ROBO1: variants seen among roughly 807,000 people sequenced by gnomAD.
ROBO1 encodes the protein roundabout guidance receptor 1.
Under a neutral mutation model 195.9 loss-of-function variants are expected in ROBO1, and 149 were observed. The ratio of observed to expected loss-of-function variants is 0.76; its 90% CI spans 0.67 to 0.87. ROBO1 has a LOEUF of 0.87. Among genes scored for constraint, ROBO1 ranks in the 40% least tolerant of loss-of-function variants. The pLI is 0.00. For synonymous variants in ROBO1, 816 were observed against 733.2 expected (o/e 1.11, Z -1.82); for missense variants, 1,933 against 2,068.3 (o/e 0.93, Z 1.27).
intron 1 of ROBO1, among the ~76,000 whole-genome samples, chr3:79,685,777 A>G (rs890502194): frequency 2.0e-5 from 3 of 152,278 alleles, no homozygotes; most frequent in Non-Finnish European, 2.9e-5. Context: ...TTCACAGCCA[A>G]ATTCTACCAG....
chr3:79,193,581 CTTTT>C (rs869203963), intron 2 of ROBO1, among the ~76,000 whole-genome samples: 45 of 85,606 alleles, frequency 5.3e-4, no homozygotes, highest in African/African-American at 2.0e-3. Context: ...TGTGGTTTTG[CTTTT>C]TTTTTTTTTT....
At chr3:79,063,210 C>T (rs1452348606) in intron 3 of ROBO1, among the ~76,000 whole-genome samples, 1 of 151,844 alleles carries the variant, frequency 6.6e-6, no homozygotes, top group East Asian at 2.0e-4. Flanking sequence ...GCCATATTTG[C>T]CCCTTGAGGT....
At chr3:79,226,644 G>A (rs1459188020) in intron 2 of ROBO1, among the ~76,000 whole-genome samples, 2 of 150,910 alleles carry the variant, frequency 1.3e-5, no homozygotes, top group African/African-American at 2.4e-5. Flanking sequence ...GGGCTCAAGC[G>A]ATCCTCCCAC....
chr3:79,565,718 C>CATA (rs1483712886), intron 2 of ROBO1, among the ~76,000 whole-genome samples: 3 of 152,178 alleles, frequency 2.0e-5, no homozygotes, highest in Admixed American at 2.0e-4. Context: ...GAAAGCTTCA[C>CATA]ATAATACCAG....
intron 2 of ROBO1, among the ~76,000 whole-genome samples, chr3:79,497,358 C>A (rs978541215): frequency 1.3e-5 from 2 of 152,140 alleles, no homozygotes; most frequent in Non-Finnish European, 2.9e-5. Context: ...AACTCCTTAA[C>A]ATATTTATAC....
chr3:78,820,823 C>A (rs559019012), intron 4 of ROBO1, among the ~76,000 whole-genome samples: 199 of 152,236 alleles, frequency 1.3e-3, no homozygotes, highest in African/African-American at 4.5e-3. Flanking sequence ...TGTGCCATCA[C>A]AATTTCTTTC....
At chr3:79,105,499 G>T (rs1300768593) in intron 3 of ROBO1, among the ~76,000 whole-genome samples, 1 of 151,522 alleles carries the variant, frequency 6.6e-6, no homozygotes, top group African/African-American at 2.4e-5. Flanking sequence ...TAGCAATTTG[G>T]TAAGTTTACT....
chr3:78,844,674 A>G (rs1227854094), intron 4 of ROBO1, among the ~76,000 whole-genome samples: 1 of 152,132 alleles, frequency 6.6e-6, no homozygotes, highest in Non-Finnish European at 1.5e-5. Flanking sequence ...CAATATAAAC[A>G]TAAATATAAC....
intron 2 of ROBO1, among the ~76,000 whole-genome samples, chr3:79,237,870 A>T (rs1018119045): frequency 6.6e-5 from 10 of 152,202 alleles, no homozygotes; most frequent in Non-Finnish European, 4.4e-5. Context: ...CCTAATTATG[A>T]CCAAAAAGGA....
At chr3:79,669,634 A>G (rs1294705152) in intron 1 of ROBO1, among the ~76,000 whole-genome samples, 2 of 151,878 alleles carry the variant, frequency 1.3e-5, no homozygotes, top group Non-Finnish European at 2.9e-5. Context: ...TGATTGCATA[A>G]TGACAAAAAG....
chr3:79,712,320 G>T (rs1336972575), intron 1 of ROBO1, among the ~76,000 whole-genome samples: 1 of 152,052 alleles, frequency 6.6e-6, no homozygotes, highest in Non-Finnish European at 1.5e-5. Context: ...TGAACATAGG[G>T]ATGATAAGAA....
At chr3:79,162,470 A>G (rs892400872) in intron 2 of ROBO1, among the ~76,000 whole-genome samples, 1 of 152,118 alleles carries the variant, frequency 6.6e-6, no homozygotes, top group African/African-American at 2.4e-5. Context: ...TCTACTTTAA[A>G]TAACATCATG....
chr3:78,637,438 A>G (rs971950947), intron 22 of ROBO1, among the ~76,000 whole-genome samples: 2 of 152,220 alleles, frequency 1.3e-5, no homozygotes, highest in African/African-American at 2.4e-5. Context: ...ATCCAACAGA[A>G]CTTTGGAGAT....
intron 2 of ROBO1, among the ~76,000 whole-genome samples, chr3:79,198,502 G>A (rs1311473490): frequency 6.6e-6 from 1 of 151,968 alleles, no homozygotes; most frequent in East Asian, 1.9e-4. Context: ...TTTTGCTTAG[G>A]ATTGTCTTGG....
At chr3:78,948,283 A>G (rs1423538789) in intron 3 of ROBO1, among the ~76,000 whole-genome samples, 1 of 152,190 alleles carries the variant, frequency 6.6e-6, no homozygotes, top group Non-Finnish European at 1.5e-5. Flanking sequence ...CTGGCAAACC[A>G]AATCCAGCAG....
chr3:79,632,957 C>T (rs1945387212), intron 1 of ROBO1, among the ~76,000 whole-genome samples: 1 of 151,836 alleles, frequency 6.6e-6, no homozygotes, highest in African/African-American at 2.4e-5. Flanking sequence ...CAATAAGAAG[C>T]AAGAAGACAT....
chr3:78,675,342 C>T (rs545147098), intron 10 of ROBO1, among the ~76,000 whole-genome samples: 5 of 151,968 alleles, frequency 3.3e-5, no homozygotes, highest in Admixed American at 1.3e-4. Flanking sequence ...GCACACAGTT[C>T]GCGAGCCGAA....
chr3:78,633,255 A>G (rs1479965171), intron 24 of ROBO1, among the ~76,000 whole-genome samples: 1 of 152,176 alleles, frequency 6.6e-6, no homozygotes, highest in Non-Finnish European at 1.5e-5. Flanking sequence ...TAGTTCTAAT[A>G]ACGAACTGCC....
chr3:79,259,043 T>C (rs1212755877), intron 2 of ROBO1, among the ~76,000 whole-genome samples: 3 of 152,140 alleles, frequency 2.0e-5, no homozygotes, highest in Admixed American at 6.6e-5. Context: ...CCCTAAACTT[T>C]AATATTCAAA....
Sources: allele counts gnomAD v4.1 joint callset (sites outside exome capture counted in the v4.1 genomes callset), GRCh38; gene constraint gnomAD v4.1.1; transcripts MANE v1.5; gene names NCBI Gene and HGNC (gene_info 2026-07-23, HGNC 2026-07-21).